NRG3: variants seen among roughly 807,000 people sequenced by gnomAD.
NRG3 encodes pro-neuregulin-3, membrane-bound isoform.
A neutral mutation model predicts 66.9 loss-of-function variants in NRG3; 31 were observed. The observed-to-expected ratio is 0.46, with a 90% CI of 0.35 to 0.63. The LOEUF (loss-of-function observed/expected upper bound fraction) is 0.63. Ranked by LOEUF, NRG3 falls within the 20% of genes least tolerant of loss-of-function variation. NRG3 has a pLI of 0.00. For missense variants in NRG3, 910 were observed against 878.9 expected, an observed-to-expected ratio of 1.04 and a Z score of -0.45; for synonymous variants, 393 against 359.4, an observed-to-expected ratio of 1.09 and a Z score of -1.06.
chr10:82,348,917 A>T (rs1190231121), intron 1 of NRG3, among the ~76,000 whole-genome samples: 14 of 146,970 alleles, frequency 9.5e-5, no homozygotes, highest in African/African-American at 3.0e-4. Flanking sequence ...TTTCAGCTCC[A>T]TCAGCTCCTT....
intron 1 of NRG3, among the ~76,000 whole-genome samples, chr10:82,172,411 A>G (rs1347202755): frequency 6.6e-6 from 1 of 152,084 alleles, no homozygotes; most frequent in Non-Finnish European, 1.5e-5. Context: ...ATTTATTTTT[A>G]ATGTGGACAA....
intron 1 of NRG3, among the ~76,000 whole-genome samples, chr10:82,247,475 T>G (rs890991966): frequency 7.9e-5 from 12 of 152,078 alleles, no homozygotes; most frequent in African/African-American, 2.4e-4. Flanking sequence ...GATGACGTAA[T>G]TACCTCCCAG....
rs190753542 is a variant in NRG3 at position 82,772,466 on chromosome 10, C to T, written c.1027+33816C>T. On this transcript the variant is annotated intron_variant, in intron 3 of 8. Coordinates refer to ENST00000372141, the MANE Select transcript of NRG3 (RefSeq NM_001010848.4). ...TGTCACTTTGTGTCCTTTCCTGTAT[C>T]TCCCCTTTCCCCACTCCCTTGTGCC... 1.7e-4 allele frequency among the ~76,000 whole-genome samples: 26 copies of T among 152,196 alleles called. 1 individual carries two copies. The East Asian group carries it at 4.9e-3, about 28-fold the overall frequency.
intron 2 of NRG3, among the ~76,000 whole-genome samples, chr10:82,649,516 G>A (rs1284477486): frequency 7.3e-6 from 1 of 137,052 alleles, no homozygotes; most frequent in African/African-American, 2.7e-5. Context: ...TGTGGCCCAG[G>A]CTGGAGTGCA....
intron 2 of NRG3, among the ~76,000 whole-genome samples, chr10:82,419,419 G>A (rs146973427): frequency 2.5e-3 from 385 of 152,264 alleles, no homozygotes; most frequent in African/African-American, 8.8e-3. Context: ...CAGTAACTGA[G>A]AGCCACACAA....
At position 82,391,993 on chromosome 10, in the gene NRG3, C is replaced by CAAA. The variant is rs775895969; in HGVS notation, c.953+33140_953+33142dup. ...AGTTGAATCCTCTTTCGAGCACATG[C>CAAA]AAAAAAAAAAAAAAAAACAAAAAAA... On this transcript the variant is annotated intron_variant, in intron 2 of 8. Coordinates refer to ENST00000372141, the MANE Select transcript of NRG3 (RefSeq NM_001010848.4). Among the ~76,000 whole-genome samples the CAAA allele has an allele frequency of 4.3e-3, 167 of 38,720 alleles. 7 individuals carry two copies. The highest frequency in any genetic ancestry group is 9.2e-3 in the African/African-American group (91 of 9,880). 25.4% of individuals were successfully genotyped at this position (38,720 alleles called of 152,430 possible). A position where few individuals can be genotyped will look rare whatever the true frequency, so the allele number is the denominator to read the frequency against.
intron 2 of NRG3, among the ~76,000 whole-genome samples, chr10:82,692,192 G>T (rs1441264706): frequency 6.6e-6 from 1 of 150,710 alleles, no homozygotes; most frequent in African/African-American, 2.4e-5. Flanking sequence ...GGCAGAGGTT[G>T]CAGTGAGCTG....
intron 1 of NRG3, among the ~76,000 whole-genome samples, chr10:82,347,421 G>A (rs891493109): frequency 1.3e-5 from 2 of 152,052 alleles, no homozygotes; most frequent in Admixed American, 6.6e-5. Context: ...ATTGCACTGT[G>A]GTCTGAGAGA....
At chr10:82,497,900 T>G in intron 2 of NRG3, among the ~76,000 whole-genome samples, 1 of 152,194 alleles carries the variant, frequency 6.6e-6, no homozygotes, top group Non-Finnish European at 1.5e-5. Flanking sequence ...TCACCAACAC[T>G]TGTTGCCTCT....
chr10:82,120,231 A>T (rs1014583423), intron 1 of NRG3, among the ~76,000 whole-genome samples: 1 of 152,068 alleles, frequency 6.6e-6, no homozygotes, highest in East Asian at 1.9e-4. Context: ...AATGCTAAAT[A>T]TACACCCAGG....
chr10:82,237,318 T>C (rs574383939), intron 1 of NRG3, among the ~76,000 whole-genome samples: 1 of 152,346 alleles, frequency 6.6e-6, no homozygotes, highest in East Asian at 1.9e-4. Context: ...ATTCTTTATA[T>C]CCATCAGGTG....
At chr10:82,005,869 C>T (rs2061359964) in intron 1 of NRG3, among the ~76,000 whole-genome samples, 1 of 148,224 alleles carries the variant, frequency 6.7e-6, no homozygotes, top group African/African-American at 2.5e-5. Flanking sequence ...CAAAAAATTC[C>T]TAAGGTAACA....
intron 2 of NRG3, among the ~76,000 whole-genome samples, chr10:82,682,608 T>G (rs1320221330): frequency 6.6e-6 from 1 of 152,174 alleles, no homozygotes; most frequent in East Asian, 1.9e-4. Flanking sequence ...AACTGCTGAA[T>G]AGTTGATTCA....
At chr10:82,276,619 C>T (rs969571167) in intron 1 of NRG3, among the ~76,000 whole-genome samples, 12 of 152,028 alleles carry the variant, frequency 7.9e-5, no homozygotes, top group African/African-American at 2.9e-4. Flanking sequence ...AGGAGCTCAT[C>T]TTTAAATAGA....
intron 2 of NRG3, among the ~76,000 whole-genome samples, chr10:82,630,027 A>G (rs1436836718): frequency 3.9e-5 from 6 of 152,152 alleles, no homozygotes; most frequent in Non-Finnish European, 5.9e-5. Flanking sequence ...ACCAGGAGCC[A>G]GGATTCACCT....
At chr10:82,245,758 C>T (rs1445973655) in intron 1 of NRG3, among the ~76,000 whole-genome samples, 1 of 152,122 alleles carries the variant, frequency 6.6e-6, no homozygotes, top group Non-Finnish European at 1.5e-5. Flanking sequence ...AATTTAACCA[C>T]ACAGGAATTC....
intron 1 of NRG3, among the ~76,000 whole-genome samples, chr10:82,013,254 C>G (rs562529417): frequency 1.3e-5 from 2 of 152,238 alleles, no homozygotes; most frequent in South Asian, 4.1e-4. Flanking sequence ...ATAAAACCAT[C>G]AGATTTTGTG....
chr10:82,917,432 G>A (rs1845946519), intron 4 of NRG3, among the ~76,000 whole-genome samples: 1 of 152,224 alleles, frequency 6.6e-6, no homozygotes, highest in Non-Finnish European at 1.5e-5. Flanking sequence ...TTTCATTTAA[G>A]GACAATGCTT....
At chr10:82,225,600 A>G (rs955496852) in intron 1 of NRG3, 3 of 152,198 alleles carry the variant, frequency 2.0e-5, no homozygotes, top group Non-Finnish European at 4.4e-5. Context: ...GAACATCCTC[A>G]CACACAAACA....
Sources: gnomAD v4.1 joint callset for allele counts (sites outside exome capture counted in the v4.1 genomes callset) on GRCh38, gnomAD v4.1.1 for gene constraint, MANE v1.5 for transcripts, NCBI Gene and HGNC (gene_info 2026-07-23, HGNC 2026-07-21) for gene names.